Variants in DPP6 observed in about 807,000 individuals in gnomAD.
DPP6 encodes A-type potassium channel modulatory protein DPP6.
A neutral mutation model predicts 122.6 loss-of-function variants in DPP6; 69 were observed. The ratio of observed to expected loss-of-function variants is 0.56; its 90% CI spans 0.46 to 0.69. DPP6 has a LOEUF of 0.69. DPP6 is among the 30% of genes least tolerant of loss of function. The probability of loss-of-function intolerance (pLI) is 0.00; values close to 1 mark genes in which losing one functional copy is unlikely to be tolerated. For missense variants in DPP6, 928 were observed against 1,116.9 expected (o/e 0.83, Z 2.41); for synonymous variants, 418 against 433.1 (o/e 0.97, Z 0.43).
intron 1 of DPP6, among the ~76,000 whole-genome samples, chr7:153,934,459 G>A (rs562234369): frequency 6.6e-6 from 1 of 152,266 alleles, no homozygotes; most frequent in Non-Finnish European, 1.5e-5. Flanking sequence ...CAGCATTTGA[G>A]GTTCTCTTCC....
At position 154,755,978 on chromosome 7, in the gene DPP6, A is replaced by T. The variant is rs1843645072; in HGVS notation, c.884-13439A>T. On this transcript the variant is annotated intron_variant, in intron 8 of 25. Transcript: ENST00000377770. This position sits in a 1 kb window ranked among gnomAD's most constrained non-coding sequence, Gnocchi z 4.7. The stretch of plus-strand genomic sequence containing the variant: ...TGTTGGGTTGTTGTGTTGCAGAGGA[A>T]ATATGCTTTTTGCAGAGGGCTTAGA... 1.3e-5 allele frequency among the ~76,000 whole-genome samples: 2 copies of T among 152,182 alleles called. No homozygotes were observed. The highest frequency in any genetic ancestry group is 1.3e-4 in the Admixed American group (2 of 15,276).
chr7:154,575,675 GGT>G (rs1831614958), intron 5 of DPP6, among the ~76,000 whole-genome samples: 1 of 132,568 alleles, frequency 7.5e-6, no homozygotes, highest in African/African-American at 2.8e-5. Flanking sequence ...GTATGTGTGT[GGT>G]GTGTGTGGTG....
At chr7:154,298,464 T>G (rs1805689164) in intron 1 of DPP6, among the ~76,000 whole-genome samples, 1 of 152,212 alleles carries the variant, frequency 6.6e-6, no homozygotes. Flanking sequence ...GATGTGTGCC[T>G]GTGCTCTTAT....
At chr7:154,398,764 A>AG (rs1815319139) in intron 1 of DPP6, among the ~76,000 whole-genome samples, 2 of 152,088 alleles carry the variant, frequency 1.3e-5, no homozygotes, top group Admixed American at 1.3e-4. Flanking sequence ...GATTCTCTTG[A>AG]GGGGGGAAAT....
chr7:154,710,714 G>A (rs1037306904), intron 7 of DPP6, among the ~76,000 whole-genome samples: 1 of 152,226 alleles, frequency 6.6e-6, no homozygotes, highest in Non-Finnish European at 1.5e-5. Flanking sequence ...ACGTCTACAA[G>A]GTTGCAGATT....
chr7:154,061,860 C>G lies in DPP6; in HGVS notation c.243+8797C>G, dbSNP rs1461010657. Among the ~76,000 whole-genome samples the G allele has an allele frequency of 7.7e-4, 84 of 109,376 alleles. 1 individual carries two copies. The highest frequency in any genetic ancestry group is 2.7e-3 in the African/African-American group (72 of 26,360). 71.8% of individuals were successfully genotyped at this position (109,376 alleles called of 152,430 possible). On this transcript the variant is annotated intron_variant, in intron 1 of 25. Transcript: ENST00000377770. ...CTCTTAGGATCCCCATCGCTGGGGG[C>G]GGAGGCACCCCCCGCGAGGCAGGGA... is the stretch of plus-strand genomic sequence containing the variant.
chr7:154,557,305 C>T (rs890357834), intron 4 of DPP6, among the ~76,000 whole-genome samples: 2 of 152,206 alleles, frequency 1.3e-5, no homozygotes, highest in Non-Finnish European at 2.9e-5. Context: ...CAAATTCTCA[C>T]TGTCTCCGGC....
At chr7:154,311,862 A>C (rs1417399714) in intron 1 of DPP6, among the ~76,000 whole-genome samples, 1 of 152,178 alleles carries the variant, frequency 6.6e-6, no homozygotes, top group Non-Finnish European at 1.5e-5. Context: ...GGGCCTTGCT[A>C]AATGACTGAG....
chr7:154,127,826 C>G (rs1270446773), intron 1 of DPP6, among the ~76,000 whole-genome samples: 1 of 152,152 alleles, frequency 6.6e-6, no homozygotes, highest in East Asian at 1.9e-4. Flanking sequence ...ATTTCACAAG[C>G]TGCTTTCCAG....
chr7:154,758,048 C>T (rs926576597), intron 8 of DPP6, among the ~76,000 whole-genome samples: 8 of 152,238 alleles, frequency 5.3e-5, no homozygotes, highest in African/African-American at 1.4e-4. Flanking sequence ...ACGCACCTTC[C>T]GTCTTCACTG....
intron 1 of DPP6, among the ~76,000 whole-genome samples, chr7:153,985,250 G>A (rs1796783703): frequency 1.3e-5 from 2 of 152,136 alleles, no homozygotes; most frequent in African/African-American, 4.8e-5. Flanking sequence ...ACTTTGAAGG[G>A]GTACAGAAAT....
At chr7:154,581,199 C>T (rs187482205) in intron 5 of DPP6, among the ~76,000 whole-genome samples, 7 of 152,164 alleles carry the variant, frequency 4.6e-5, no homozygotes, top group East Asian at 3.9e-4. Context: ...CAAAGAGCCG[C>T]GGATACAAGC....
intron 7 of DPP6, among the ~76,000 whole-genome samples, chr7:154,713,627 C>T (rs1479280010): frequency 6.6e-6 from 1 of 152,214 alleles, no homozygotes; most frequent in African/African-American, 2.4e-5. Context: ...ACGTTGGCCC[C>T]TTTTAGCGAT....
At chr7:154,639,905 C>T (rs141043155) in intron 6 of DPP6, among the ~76,000 whole-genome samples, 1 of 152,296 alleles carries the variant, frequency 6.6e-6, no homozygotes, top group African/African-American at 2.4e-5. Flanking sequence ...ACCTTCCCCT[C>T]ACCTCCTAGC....
chr7:154,786,925 C>T (rs1442710723), intron 10 of DPP6, among the ~76,000 whole-genome samples: 2 of 152,200 alleles, frequency 1.3e-5, no homozygotes, highest in East Asian at 3.9e-4. Context: ...GAGGTTTCAG[C>T]TCTGCAAGTG....
At chr7:154,667,911 C>T (rs749320865) in intron 6 of DPP6, among the ~76,000 whole-genome samples, 2 of 151,922 alleles carry the variant, frequency 1.3e-5, no homozygotes, top group Non-Finnish European at 2.9e-5. Flanking sequence ...CAAACCCAGA[C>T]ACTTCATCTA....
At chr7:154,498,400 A>G (rs1447386842) in intron 3 of DPP6, among the ~76,000 whole-genome samples, 1 of 152,138 alleles carries the variant, frequency 6.6e-6, no homozygotes, top group Non-Finnish European at 1.5e-5. Flanking sequence ...GCGCAGTGGC[A>G]TGATCTCGGG....
intron 1 of DPP6, among the ~76,000 whole-genome samples, chr7:154,062,561 C>T (rs1257900646): frequency 3.7e-4 from 4 of 10,838 alleles, no homozygotes; most frequent in Non-Finnish European, 1.9e-4. Context: ...GTACCCCCAT[C>T]GCAGGGGGGG....
At chr7:153,944,142 C>G (rs1017067653) in intron 1 of DPP6, among the ~76,000 whole-genome samples, 11 of 152,178 alleles carry the variant, frequency 7.2e-5, no homozygotes, top group Admixed American at 5.2e-4. Context: ...CCCTGGAGCA[C>G]GAGCCTCGTT....
Sources: allele counts gnomAD v4.1 joint callset (sites outside exome capture counted in the v4.1 genomes callset), GRCh38; gene constraint gnomAD v4.1.1; non-coding constraint Gnocchi (gnomAD v3.1); transcripts MANE v1.5; gene names NCBI Gene and HGNC (gene_info 2026-07-23, HGNC 2026-07-21).